The following SYNGR3 variants were observed in gnomAD, a reference collection of about 807,000 sequenced individuals.
SYNGR3 encodes synaptogyrin-3.
A neutral mutation model predicts 18.5 loss-of-function variants in SYNGR3; 10 were observed. The ratio of observed to expected loss-of-function variants is 0.54; its 90% confidence interval spans 0.33 to 0.92. The LOEUF is 0.92. SYNGR3 is among the 40% of genes least tolerant of loss of function. The pLI, the probability that SYNGR3 is intolerant of heterozygous loss-of-function variation, is 0.02. For missense variants in SYNGR3, 335 were observed against 332.8 expected (o/e 1.01, Z -0.05); for synonymous variants, 188 against 157.2 (o/e 1.20, Z -1.47).
rs143835043 is a variant in SYNGR3, at chr16:1,990,698, G to A, written c.99+497G>A. The A allele has an allele frequency of 1.8e-3, 468 of 259,028 alleles. 4 individuals are homozygous for A. The highest frequency in any genetic ancestry group is 9.9e-3 in the African/African-American group (421 of 42,526). 16.0% of individuals were successfully genotyped at this position (259,028 alleles called of 1,614,324 possible). ...GTGAGTTGAGGGAGGAGAGGCTCTG[G>A]GCTGGGAGGGCTTCCTGGCGGCGGT... On this transcript the variant is annotated intron_variant, in intron 1 of 3. Coordinates refer to ENST00000248121, the MANE Select transcript of SYNGR3 (RefSeq NM_004209.6).
At position 1,992,067 on chromosome 16, in the gene SYNGR3, G is replaced by A; in HGVS notation, c.193G>A (p.Ala65Thr). Residue 65 changes from alanine to threonine, a missense_variant, in exon 2 of 4, where the codon GCG (alanine) becomes ACG (threonine). Physicochemically the swap from Ala to Thr is moderately conservative, Grantham distance 58. Transcript: ENST00000248121. ...PELRCVFNGNAGACRFGVALG... is the reference protein window; with the variant it reads ...PELRCVFNGNTGACRFGVALG... The stretch of plus-strand genomic sequence containing the variant: ...GCTGCGCTGCGTGTTCAACGGGAAC[G>A]CGGGCGCCTGCCGCTTCGGCGTCGC... 1 of 1,568,722 alleles carries A rather than the reference G, an allele frequency of 6.4e-7. No individual in the cohort carries two copies. Among genetic ancestry groups the A allele is most frequent in the Non-Finnish European group, 8.6e-7 (1 of 1,159,372 alleles).
intron 1 of SYNGR3, 38 bp from the exon 2 acceptor site, chr16:1,991,936 G>C (rs757785568): frequency 2.5e-5 from 38 of 1,540,848 alleles, no homozygotes; most frequent in African/African-American, 4.2e-5. Context: ...CGCAGAGGTC[G>C]GGTCGCCGCA....
intron 1 of SYNGR3, 137 bp downstream of exon 1, chr16:1,990,338 TC>T: frequency 7.6e-6 from 2 of 264,012 alleles, no homozygotes; most frequent in East Asian, 8.0e-5. Context: ...CGCCGGCCCC[TC>T]CCCCGCCGGC....
In SYNGR3 at chr16:1,991,563, G is replaced by A. The variant is rs374875055; in HGVS notation, c.100-411G>A. The stretch of plus-strand genomic sequence containing the variant: ...CCACACTCTTGAGTGGGCTCTGAGG[G>A]GACTCCACGGGCCCACGCGGTGCAG... On this transcript the variant is annotated intron_variant, in intron 1 of 3. Coordinates refer to ENST00000248121, the MANE Select transcript of SYNGR3 (RefSeq NM_004209.6). 268 of 170,742 alleles carry A rather than the reference G, an allele frequency of 1.6e-3. 1 individual carries two copies. The highest frequency in any genetic ancestry group is 2.7e-3 in the Non-Finnish European group (210 of 78,944). The allele number at this position is 170,742 out of a possible 1,614,324, so 10.6% of individuals were successfully genotyped here.
intron 2 of SYNGR3, 39 bp from the exon 3 acceptor site, chr16:1,992,597 C>G: frequency 6.3e-7 from 1 of 1,575,904 alleles, no homozygotes; most frequent in East Asian, 2.5e-5. Flanking sequence ...CGTGGGCCAC[C>G]GCGTGGAGCG....
At position 1,991,809 on chromosome 16, in the gene SYNGR3, CAAT is replaced by C. The variant is rs1408848804; in HGVS notation, c.100-161_100-159del. 4.9e-6 allele frequency: 3 copies of C among 608,756 alleles called. No homozygotes were observed. In the African/African-American group the frequency reaches 5.9e-5, roughly 12 times the overall value. 37.7% of individuals were successfully genotyped at this position (608,756 alleles called of 1,614,324 possible). A position where few individuals can be genotyped will look rare whatever the true frequency, so the allele number is the denominator to read the frequency against. ...ATGCTCACTAAACGGCCCGTGTTGT[CAAT>C]AATTACTAAATACGCGAGGGTTCGG... is the stretch of plus-strand genomic sequence containing the variant. On this transcript the variant is annotated intron_variant, in intron 1 of 3. Transcript: ENST00000248121.
At chr16:1,992,563 C>T (rs1597067371) in intron 2 of SYNGR3, 73 bp from the exon 3 acceptor site, 2 of 1,534,304 alleles carry the variant, frequency 1.3e-6, no homozygotes, top group Admixed American at 4.0e-5. Flanking sequence ...GCCCACCGAC[C>T]TTTCCTCCTC....
intron 1 of SYNGR3, chr16:1,990,532 G>A: frequency 2.1e-6 from 1 of 475,778 alleles, no homozygotes; most frequent in South Asian, 1.6e-5. Flanking sequence ...TCGTGACCTG[G>A]AAGCAGGGAC....
rs1408609878 is a variant in SYNGR3 at position 1,993,004 on chromosome 16, TACCAGAGCCCGCCCTTC to T, written c.626_642del (p.Gln209ArgfsTer93). 6.2e-7 allele frequency: 1 copy of T among 1,611,730 alleles called. No homozygotes were observed. The highest frequency in any genetic ancestry group is 8.5e-7 in the Non-Finnish European group (1 of 1,179,718). ...CAGCGGCGTGGAGGGCACCGAGACC[TACCAGAGCCCGCCCTTC>T]ACCGAGACCCTGGACACCAGCCCCA... On this transcript the variant is annotated frameshift_variant, in exon 4 of 4. Coordinates refer to ENST00000248121, the MANE Select transcript of SYNGR3 (RefSeq NM_004209.6). LOFTEE classifies it high-confidence loss of function.
Position 1,990,041 on chromosome 16 carries a change from G to A in SYNGR3, c.-62G>A, listed in dbSNP as rs1317520867. 2 of 687,412 alleles carry A rather than the reference G, an allele frequency of 2.9e-6. No homozygotes were observed. Among genetic ancestry groups the A allele is most frequent in the Non-Finnish European group, 3.9e-6 (2 of 511,792 alleles). The allele number at this position is 687,412 out of a possible 1,614,324, so 42.6% of individuals were successfully genotyped here. ...CGGCAGCGGCAGCGGCCTCGGGCGG[G>A]GCCGGCCGGACGGACAGGCGGACAG... is the stretch of plus-strand genomic sequence containing the variant. On this transcript the variant is annotated 5_prime_UTR_variant, in exon 1 of 4. Transcript: ENST00000248121.
chr16:1,993,147 G>A lies in SYNGR3; in HGVS notation c.*75G>A, dbSNP rs1009582754. On this transcript the variant is annotated 3_prime_UTR_variant, in exon 4 of 4. Transcript: ENST00000248121. The stretch of plus-strand genomic sequence containing the variant: ...CCCCAGGGTCTCCGGGACCTCCCTT[G>A]GGTCCTTCCAGCTCAGTGCCGCGGA... 8 of 1,517,196 alleles carry A rather than the reference G, an allele frequency of 5.3e-6. No homozygotes were observed. Among genetic ancestry groups the A allele is most frequent in the Non-Finnish European group, 6.2e-6 (7 of 1,122,822 alleles). 94.0% of individuals were successfully genotyped at this position (1,517,196 alleles called of 1,614,324 possible). A position where few individuals can be genotyped will look rare whatever the true frequency, so the allele number is the denominator to read the frequency against.
In SYNGR3 at chr16:1,992,188, T is replaced by A. The variant is rs1201494802; in HGVS notation, c.314T>A (p.Val105Glu). The A allele has an allele frequency of 2.1e-6, 3 of 1,422,618 alleles. No homozygotes were observed. The highest frequency in any genetic ancestry group is 6.0e-5 in the East Asian group (2 of 33,150). The allele number at this position is 1,422,618 out of a possible 1,614,324, so 88.1% of individuals were successfully genotyped here. A position where few individuals can be genotyped will look rare whatever the true frequency, so the allele number is the denominator to read the frequency against. The change falls in exon 2 of 4, where the codon GTG (valine) becomes GAG (glutamate). Residue 105 changes from valine (V) to glutamate (E), a missense_variant. Val to Glu is a moderately radical substitution (Grantham distance 121). Transcript: ENST00000248121. ...ISSVRDRRRA[V>E]LLDLGFSGLW... is the part of the protein sequence containing the mutation. ...AGCGTCCGCGACCGCCGGCGCGCGG[T>A]GTTGCTGGACCTGGGCTTCTCAGGT...
chr16:1,990,164 C>T lies in SYNGR3; in HGVS notation c.62C>T (p.Ala21Val), dbSNP rs1191072978. The T allele has an allele frequency of 1.2e-5, 15 of 1,263,268 alleles. No individual in the cohort carries two copies. Among genetic ancestry groups the T allele is most frequent in the Non-Finnish European group, 1.4e-5 (14 of 1,002,096 alleles). The allele number at this position is 1,263,268 out of a possible 1,614,324, so 78.3% of individuals were successfully genotyped here. A position where few individuals can be genotyped will look rare whatever the true frequency, so the allele number is the denominator to read the frequency against. ...AGAALDPVSF[A>V]RRPQTLLRVA... The stretch of plus-strand genomic sequence containing the variant: ...GCCGCCCTGGACCCCGTGAGCTTTG[C>T]GCGGCGGCCCCAGACCCTGCTCCGG... Residue 21 changes from alanine (A) to valine (V), a missense_variant, in exon 1 of 4, where the codon GCG becomes GTG. Coordinates refer to ENST00000248121, the MANE Select transcript of SYNGR3 (RefSeq NM_004209.6).
At chr16:1,992,818 C>T (rs2083612281) in intron 3 of SYNGR3, 40 bp downstream of exon 3, 3 of 1,507,660 alleles carry the variant, frequency 2.0e-6, no homozygotes, top group African/African-American at 1.4e-5. Flanking sequence ...AAGGGGCGGG[C>T]GCTCGGCTGA....
intron 1 of SYNGR3, 147 bp downstream of exon 1, chr16:1,990,348 G>C (rs576598964): frequency 2.4e-6 from 1 of 411,072 alleles, no homozygotes; most frequent in Admixed American, 4.8e-5. Context: ...TCCCCCGCCG[G>C]CCTCAGGTTG....
chr16:1,990,201 G>T lies in SYNGR3; in HGVS notation c.99G>T (p.Trp33Cys). 7.8e-7 allele frequency: 1 copy of T among 1,278,668 alleles called. No individual in the cohort carries two copies. The highest frequency in any genetic ancestry group is 2.5e-5 in the South Asian group (1 of 40,630). The allele number at this position is 1,278,668 out of a possible 1,614,324, so 79.2% of individuals were successfully genotyped here. A position where few individuals can be genotyped will look rare whatever the true frequency, so the allele number is the denominator to read the frequency against. The change falls in exon 1 of 4, where the codon TGG (tryptophan) becomes TGT (cysteine). Residue 33 changes from tryptophan (W) to cysteine (C), a missense_variant and splice_region_variant. By Grantham distance (215) the Trp-to-Cys change is radical. Transcript: ENST00000248121. The part of the protein sequence containing the change: ...RPQTLLRVAS[W>C]VFSIAVFGPI... ...AGACCCTGCTCCGGGTCGCGTCCTGGGTGAGTGGTCCCTGCCCGGGCCCCC... is the reference window on the plus strand; with the variant it reads ...AGACCCTGCTCCGGGTCGCGTCCTGTGTGAGTGGTCCCTGCCCGGGCCCCC...
In SYNGR3 at chr16:1,993,906, T is replaced by C; in HGVS notation, c.*834T>C. ...TGGCCCCTGTGTGGTTCCCTTTACCTTGGCTTCCTGGCCCAGTCCCTGCCT... is the reference window on the plus strand; with the variant it reads ...TGGCCCCTGTGTGGTTCCCTTTACCCTGGCTTCCTGGCCCAGTCCCTGCCT... On this transcript the variant is annotated 3_prime_UTR_variant, in exon 4 of 4. Coordinates refer to ENST00000248121, the MANE Select transcript of SYNGR3 (RefSeq NM_004209.6). 3.7e-6 allele frequency: 1 copy of C among 271,392 alleles called. No individual in the cohort carries two copies. The allele number at this position is 271,392 out of a possible 1,614,324, so 16.8% of individuals were successfully genotyped here. A position where few individuals can be genotyped will look rare whatever the true frequency, so the allele number is the denominator to read the frequency against.
In SYNGR3 at chr16:1,992,919, C is replaced by T. The variant is rs1329746096; in HGVS notation, c.537C>T (p.Leu179=). The T allele has an allele frequency of 1.2e-6, 2 of 1,609,466 alleles. No individual in the cohort carries two copies. Among genetic ancestry groups the T allele is most frequent in the African/African-American group, 1.3e-5 (1 of 74,874 alleles). Residue 179 remains leucine (L), a synonymous_variant, in exon 4 of 4, where the codon CTC becomes CTT. Transcript: ENST00000248121. ...QRFRLGTDMS[L]FATEQLSTGA... Reference sequence around the variant, plus strand: ...TCCGCCTGGGCACCGACATGTCACTCTTCGCCACCGAACAGCTGAGCACCG... The same window carrying T: ...TCCGCCTGGGCACCGACATGTCACTTTTCGCCACCGAACAGCTGAGCACCG...
chr16:1,992,480 G>A, intron 2 of SYNGR3, 156 bp from the exon 3 acceptor site: 1 of 1,084,976 alleles, frequency 9.2e-7, no homozygotes, highest in Non-Finnish European at 1.2e-6. Context: ...CCGGGTGGGC[G>A]GGGTCAGCGC....
Sources: gnomAD v4.1 joint callset for allele counts on GRCh38, gnomAD v4.1.1 for gene constraint, MANE v1.5 for transcripts, NCBI Gene and HGNC (gene_info 2026-07-23, HGNC 2026-07-21) for gene names.